SDK1: variants seen among roughly 807,000 people sequenced by gnomAD.
The protein encoded by SDK1 is sidekick cell adhesion molecule 1, also known as protein sidekick-1.
Under a neutral mutation model 245.5 loss-of-function variants are expected in SDK1, and 157 were observed. That is an observed-to-expected ratio of 0.64 (90% CI 0.56 to 0.73). SDK1 has a LOEUF of 0.73. Among genes scored for constraint, SDK1 ranks in the 30% least tolerant of loss-of-function variants. The pLI is 0.00. For synonymous variants in SDK1, 1,647 were observed against 1,278.5 expected, an observed-to-expected ratio of 1.29 and a Z score of -6.15; for missense variants, 3,583 against 3,002.3, an observed-to-expected ratio of 1.19 and a Z score of -4.52.
At chr7:3,309,870 T>C (rs1428257821) in intron 1 of SDK1, among the ~76,000 whole-genome samples, 2 of 152,254 alleles carry the variant, frequency 1.3e-5, no homozygotes, top group Non-Finnish European at 2.9e-5. Context: ...CTAAGCGTGC[T>C]GTCTTGGCTC....
chr7:4,048,043 G>C (rs967129163), intron 17 of SDK1, among the ~76,000 whole-genome samples: 1 of 152,180 alleles, frequency 6.6e-6, no homozygotes, highest in East Asian at 1.9e-4. Context: ...CCTGGGAAGA[G>C]AAGACTTGAG....
intron 5 of SDK1, among the ~76,000 whole-genome samples, chr7:3,920,070 C>T (rs1029496882): frequency 4.6e-5 from 7 of 152,124 alleles, no homozygotes; most frequent in East Asian, 3.9e-4. Flanking sequence ...CACAGACAGA[C>T]GAAGCCACGT....
At chr7:3,359,602 G>T (rs141944863) in intron 1 of SDK1, among the ~76,000 whole-genome samples, 2,208 of 152,242 alleles carry the variant, frequency 0.015, 18 homozygotes, top group Non-Finnish European at 0.022. Flanking sequence ...CCTCTAAAGT[G>T]TCTGTCCACA....
intron 1 of SDK1, among the ~76,000 whole-genome samples, chr7:3,323,295 G>C (rs1234991134): frequency 6.6e-6 from 1 of 152,126 alleles, no homozygotes; most frequent in African/African-American, 2.4e-5. Flanking sequence ...TGTCTGATGG[G>C]AACCCAATAC....
At chr7:3,838,989 C>G (rs1583464881) in intron 5 of SDK1, among the ~76,000 whole-genome samples, 1 of 152,148 alleles carries the variant, frequency 6.6e-6, no homozygotes, top group South Asian at 2.1e-4. Flanking sequence ...CTGCTCCCTA[C>G]AAATAGATGG....
chr7:3,718,906 A>G (rs1785281319), intron 4 of SDK1, among the ~76,000 whole-genome samples: 1 of 152,242 alleles, frequency 6.6e-6, no homozygotes, highest in Admixed American at 6.5e-5. Flanking sequence ...TCCCAAGCTA[A>G]TAAGTGATTC....
At chr7:3,695,903 G>A (rs1784559284) in intron 4 of SDK1, among the ~76,000 whole-genome samples, 1 of 152,184 alleles carries the variant, frequency 6.6e-6, no homozygotes, top group Non-Finnish European at 1.5e-5. Context: ...CAAAGCTAAT[G>A]AGCAATTTTA....
At chr7:3,820,990 A>G (rs1175170301) in intron 4 of SDK1, among the ~76,000 whole-genome samples, 5 of 152,254 alleles carry the variant, frequency 3.3e-5, no homozygotes, top group Non-Finnish European at 5.9e-5. Context: ...GCACCAGTGT[A>G]GATATCCATA....
chr7:4,206,450 C>A (rs1458429841), intron 36 of SDK1, among the ~76,000 whole-genome samples: 2 of 152,160 alleles, frequency 1.3e-5, no homozygotes, highest in Non-Finnish European at 2.9e-5. Context: ...TTCGGTCGGT[C>A]CAGGGTGGGG....
At chr7:4,145,302 G>C (rs677348) in intron 28 of SDK1, among the ~76,000 whole-genome samples, 118,110 of 152,084 alleles carry the variant, frequency 0.78, 46,002 homozygotes, top group African/African-American at 0.84. Flanking sequence ...CCTGCCTGGG[G>C]AGGCCATGCT....
At chr7:3,895,515 G>C (rs1048136383) in intron 5 of SDK1, among the ~76,000 whole-genome samples, 8 of 152,234 alleles carry the variant, frequency 5.3e-5, no homozygotes, top group South Asian at 2.1e-4. Context: ...GAACATGGAT[G>C]TAAAGCTGGA....
At chr7:4,048,500 G>T (rs1355059357) in intron 17 of SDK1, among the ~76,000 whole-genome samples, 1 of 148,376 alleles carries the variant, frequency 6.7e-6, no homozygotes, top group Non-Finnish European at 1.5e-5. Context: ...TCGTCCAGCC[G>T]TGCTCCGTGT....
At chr7:4,104,847 C>A (rs1213521413) in intron 22 of SDK1, among the ~76,000 whole-genome samples, 1 of 152,010 alleles carries the variant, frequency 6.6e-6, no homozygotes, top group Non-Finnish European at 1.5e-5. Context: ...GAACTATGGG[C>A]TGTGCCACCA....
At chr7:3,803,008 G>A (rs987988756) in intron 4 of SDK1, among the ~76,000 whole-genome samples, 1 of 152,124 alleles carries the variant, frequency 6.6e-6, no homozygotes, top group Non-Finnish European at 1.5e-5. Flanking sequence ...TCGGTGGGTC[G>A]AATGTAAGTA....
intron 4 of SDK1, among the ~76,000 whole-genome samples, chr7:3,797,244 A>C (rs926729756): frequency 6.6e-6 from 1 of 152,024 alleles, no homozygotes; most frequent in Admixed American, 6.6e-5. Context: ...CGGCCTCCCA[A>C]AGTGCTGGGA....
At chr7:4,037,059 CAAT>C (rs1293608080) in intron 17 of SDK1, among the ~76,000 whole-genome samples, 2 of 152,130 alleles carry the variant, frequency 1.3e-5, no homozygotes, top group African/African-American at 2.4e-5. Flanking sequence ...AAAGTAATAA[CAAT>C]GATGATGATA....
intron 7 of SDK1, 40 bp downstream of exon 7, chr7:3,951,960 G>C: frequency 1.3e-6 from 2 of 1,556,228 alleles, no homozygotes; most frequent in Non-Finnish European, 1.8e-6. Context: ...CAGCATCTCA[G>C]ATAGCATCCG....
At chr7:3,796,461 A>G (rs59651406) in intron 4 of SDK1, among the ~76,000 whole-genome samples, 8,654 of 151,948 alleles carry the variant, frequency 0.057, 561 homozygotes, top group African/African-American at 0.16. Flanking sequence ...GGGCAGGGCG[A>G]CCCCTGCACA....
At chr7:4,147,394 A>C (rs920241869) in intron 29 of SDK1, among the ~76,000 whole-genome samples, 2 of 151,968 alleles carry the variant, frequency 1.3e-5, no homozygotes, top group Non-Finnish European at 2.9e-5. Context: ...TGGCCGCCCA[A>C]AGTGCTGGGG....
Sources: gnomAD v4.1 joint callset for allele counts (sites outside exome capture counted in the v4.1 genomes callset) on GRCh38, gnomAD v4.1.1 for gene constraint, MANE v1.5 for transcripts, NCBI Gene and HGNC (gene_info 2026-07-23, HGNC 2026-07-21) for gene names.